The following SCN11A variants were observed in gnomAD, a reference collection of about 807,000 sequenced individuals.
SCN11A encodes sodium voltage-gated channel alpha subunit 11.
A neutral mutation model predicts 162.2 loss-of-function variants in SCN11A; 122 were observed. That is an observed-to-expected ratio of 0.75 (90% CI 0.65 to 0.87). SCN11A has a LOEUF of 0.87. Among genes scored for constraint, SCN11A ranks in the 40% least tolerant of loss-of-function variants. SCN11A has a pLI of 0.00. For synonymous variants in SCN11A, 758 were observed against 751.5 expected (o/e 1.01, Z -0.14); for missense variants, 2,015 against 2,181.6 (o/e 0.92, Z 1.52).
At chr3:38,853,624 A>C (rs1489113069) in intron 28 of SCN11A, among the ~76,000 whole-genome samples, 1 of 152,168 alleles carries the variant, frequency 6.6e-6, no homozygotes, top group Non-Finnish European at 1.5e-5. Context: ...AATTACTGAG[A>C]ACACATTTTA....
At chr3:38,935,427 T>C (rs189457586) in intron 7 of SCN11A, among the ~76,000 whole-genome samples, 25 of 152,252 alleles carry the variant, frequency 1.6e-4, no homozygotes, top group Admixed American at 1.6e-3. Flanking sequence ...AAAAAATTAA[T>C]GAATCCAGGA....
intron 1 of SCN11A, among the ~76,000 whole-genome samples, chr3:39,034,173 A>C (rs2031840658): frequency 6.6e-6 from 1 of 152,082 alleles, no homozygotes; most frequent in Non-Finnish European, 1.5e-5. Context: ...AAAACAAAAC[A>C]AAACAAACAA....
At chr3:38,978,352 G>A (rs2066861675) in intron 2 of SCN11A, among the ~76,000 whole-genome samples, 1 of 152,092 alleles carries the variant, frequency 6.6e-6, no homozygotes, top group Admixed American at 6.6e-5. Flanking sequence ...CATTAAAAAT[G>A]AATAACACTT....
intron 2 of SCN11A, among the ~76,000 whole-genome samples, chr3:39,011,430 A>T (rs923258950): frequency 6.6e-6 from 1 of 152,220 alleles, no homozygotes; most frequent in Non-Finnish European, 1.5e-5. Flanking sequence ...CAGGGCCCTC[A>T]GGAAGAAATT....
chr3:38,892,335 T>G (rs1357767512), intron 19 of SCN11A, among the ~76,000 whole-genome samples: 1 of 152,220 alleles, frequency 6.6e-6, no homozygotes, highest in Non-Finnish European at 1.5e-5. Flanking sequence ...CACACAAGTA[T>G]GATAAAAAAT....
chr3:38,936,159 A>C (rs1166091651), intron 7 of SCN11A, among the ~76,000 whole-genome samples: 1 of 151,824 alleles, frequency 6.6e-6, no homozygotes, highest in Non-Finnish European at 1.5e-5. Flanking sequence ...GCCTTTGACA[A>C]AATTCAACAA....
chr3:38,881,431 T>C (rs988932873), intron 22 of SCN11A, among the ~76,000 whole-genome samples: 17 of 152,208 alleles, frequency 1.1e-4, no homozygotes, highest in African/African-American at 4.1e-4. Flanking sequence ...TTTGGGAAGC[T>C]TACCAGTAAG....
At chr3:39,000,726 T>C (rs958957856) in intron 2 of SCN11A, among the ~76,000 whole-genome samples, 1 of 152,202 alleles carries the variant, frequency 6.6e-6, no homozygotes, top group Non-Finnish European at 1.5e-5. Context: ...TGAACATTTA[T>C]TAAATTAATT....
intron 2 of SCN11A, among the ~76,000 whole-genome samples, chr3:39,011,672 C>T (rs756950689): frequency 6.6e-6 from 1 of 152,188 alleles, no homozygotes; most frequent in Non-Finnish European, 1.5e-5. Context: ...TCAGGTTGCT[C>T]ATTTATTTCT....
At chr3:38,976,373 G>C (rs909750972) in intron 2 of SCN11A, among the ~76,000 whole-genome samples, 3 of 152,202 alleles carry the variant, frequency 2.0e-5, no homozygotes, top group Non-Finnish European at 4.4e-5. Context: ...CAGACTTAAG[G>C]CCTGGGGAGG....
chr3:38,971,766 A>T (rs576145149), intron 2 of SCN11A, among the ~76,000 whole-genome samples: 61 of 152,270 alleles, frequency 4.0e-4, no homozygotes, highest in African/African-American at 1.5e-3. Flanking sequence ...GTGGGCTGAA[A>T]GCTGGTTCAG....
intron 21 of SCN11A, among the ~76,000 whole-genome samples, 170 bp downstream of exon 21, chr3:38,885,118 C>T (rs990208078): frequency 2.0e-5 from 3 of 152,176 alleles, no homozygotes; most frequent in Non-Finnish European, 4.4e-5. Flanking sequence ...CCTGAAATCC[C>T]CTCTGCCTAG....
At chr3:38,969,237 T>C (rs1407861289) in intron 2 of SCN11A, among the ~76,000 whole-genome samples, 23 of 152,306 alleles carry the variant, frequency 1.5e-4, no homozygotes, top group Non-Finnish European at 1.2e-4. Flanking sequence ...TCAAAAAGGA[T>C]ATAATTAACT....
At chr3:38,994,933 G>A (rs1220163213) in intron 2 of SCN11A, among the ~76,000 whole-genome samples, 2 of 152,006 alleles carry the variant, frequency 1.3e-5, no homozygotes, top group African/African-American at 2.4e-5. Context: ...CCACAAAGCC[G>A]TCAAGGGAAA....
Position 38,867,370 on chromosome 3 carries a change from T to G in SCN11A, c.3902A>C (p.Asn1301Thr). Residue 1301 changes from asparagine to threonine, a missense_variant, in exon 27 of 30, where the codon AAT becomes ACT. Coordinates refer to ENST00000302328, the MANE Select transcript of SCN11A (RefSeq NM_001349253.2). The part of the protein sequence containing the change: ...FIIFGSFFTL[N>T]LFIGVIIDNF... ...GTCAATGATAACGCCAATGAAGAGA[T>G]TCAGAGTGAAGAATGAGCCAAAGAT... 1 of 1,613,486 alleles carries G rather than the reference T, an allele frequency of 6.2e-7. No individual in the cohort carries two copies.
chr3:39,020,012 A>G (rs1189196324), intron 2 of SCN11A, among the ~76,000 whole-genome samples: 1 of 152,208 alleles, frequency 6.6e-6, no homozygotes, highest in African/African-American at 2.4e-5. Flanking sequence ...TGCTTGAGTC[A>G]GAAGGCTGAG....
chr3:38,894,887 G>A lies in SCN11A; in HGVS notation c.2481C>T (p.Ala827=). Residue 827 remains alanine (A), a synonymous_variant, in exon 19 of 30, where the codon GCC becomes GCT. Transcript: ENST00000302328. The part of the protein sequence containing the change: ...EERNGNLEGE[A]RKTKVQLALD... ...GTGCTAACTGGACTTTAGTTTTCCT[G>A]GCCTCTCCTTCTAAGTTTCCATTTC... 6.2e-7 allele frequency: 1 copy of A among 1,614,156 alleles called. No homozygotes were observed.
In SCN11A at chr3:38,923,896, A is replaced by C. The variant is rs573895863; in HGVS notation, c.712+1519T>G. ...AGGAGGATTGGATAGGAAGAACCTC[A>C]GACTGCAGTGCAGCTGTCGGAGTCT... On this transcript the variant is annotated intron_variant, in intron 9 of 29. Transcript: ENST00000302328. 3.3e-5 allele frequency among the ~76,000 whole-genome samples: 5 copies of C among 152,314 alleles called. No individual in the cohort carries two copies. In the South Asian group the frequency reaches 1.0e-3, roughly 32 times the overall value.
intron 2 of SCN11A, among the ~76,000 whole-genome samples, chr3:38,963,088 T>C (rs1301992023): frequency 6.6e-6 from 1 of 151,270 alleles, no homozygotes; most frequent in African/African-American, 2.4e-5. Flanking sequence ...GGAATGCTTC[T>C]ACACTGCTGG....
Sources: allele counts gnomAD v4.1 joint callset (sites outside exome capture counted in the v4.1 genomes callset), GRCh38; gene constraint gnomAD v4.1.1; transcripts MANE v1.5; gene names NCBI Gene and HGNC (gene_info 2026-07-23, HGNC 2026-07-21).